The following AFAP1 variants were observed in gnomAD, a reference collection of about 807,000 sequenced individuals.
AFAP1 encodes the protein actin filament-associated protein 1.
AFAP1 carries 75 observed loss-of-function variants against 93.9 expected under a neutral mutation model. That is an observed-to-expected ratio of 0.80 (90% confidence interval 0.66 to 0.97). The LOEUF is 0.97. Ranked by LOEUF, AFAP1 falls within the 50% of genes least tolerant of loss-of-function variation. AFAP1 has a pLI of 0.00. For synonymous variants in AFAP1, 517 were observed against 430.7 expected (o/e 1.20, Z -2.48); for missense variants, 1,201 against 1,050.8 (o/e 1.14, Z -1.98).
chr4:7,772,975 T>C lies in AFAP1; in HGVS notation c.2098A>G (p.Lys700Glu). ...TGCCGGCACTCCTCCTCCAGCTGCT[T>C]CAGCTTCTCCTCCAGGATCGCCTGC... ...KPQAILEEKL[K>E]QLEEECRQKE... The change falls in exon 16 of 18, where the codon AAG (lysine) becomes GAG (glutamate). Residue 700 changes from lysine to glutamate, a missense_variant. Transcript: ENST00000420658. 1.2e-6 allele frequency: 2 copies of C among 1,612,516 alleles called. No homozygotes were observed. Among genetic ancestry groups the C allele is most frequent in the Non-Finnish European group, 1.7e-6 (2 of 1,179,976 alleles).
Position 7,774,906 on chromosome 4 carries a change from TGAG to T in AFAP1, c.1898-6_1898-4del, listed in dbSNP as rs745995106. On this transcript the variant is annotated splice_region_variant and splice_polypyrimidine_tract_variant and intron_variant, in intron 14 of 17. Transcript: ENST00000420658. ...GCCATACTTGTACTGGGCAGCATCT[TGAG>T]AAGAAAAAAAAGCAGCAATTAAAAA... 8 of 1,598,402 alleles carry T rather than the reference TGAG, an allele frequency of 5.0e-6. No homozygotes were observed. The East Asian group carries it at 6.7e-5, about 13-fold the overall frequency.
intron 14 of AFAP1, chr4:7,776,538 C>T (rs956533089): frequency 7.9e-5 from 12 of 152,210 alleles, no homozygotes; most frequent in African/African-American, 2.7e-4. Context: ...CTTGTCCACT[C>T]AGGGACAGCA....
chr4:7,820,365 A>G (rs547774236), intron 6 of AFAP1, among the ~76,000 whole-genome samples: 1 of 152,334 alleles, frequency 6.6e-6, no homozygotes, highest in East Asian at 1.9e-4. Flanking sequence ...ACTGGGAGCC[A>G]CTGGCAAAAG....
At chr4:7,863,234 G>A (rs1201730743) in intron 3 of AFAP1, among the ~76,000 whole-genome samples, 1 of 152,124 alleles carries the variant, frequency 6.6e-6, no homozygotes, top group African/African-American at 2.4e-5. Context: ...TGGGCAACAT[G>A]GTGAAAACCC....
intron 1 of AFAP1, among the ~76,000 whole-genome samples, chr4:7,920,822 T>C (rs914616933): frequency 6.6e-6 from 1 of 152,208 alleles, no homozygotes; most frequent in Non-Finnish European, 1.5e-5. Context: ...CTAAACTGTT[T>C]ACAGGTCTGT....
chr4:7,893,085 G>A (rs553136135), intron 1 of AFAP1, among the ~76,000 whole-genome samples: 5 of 149,352 alleles, frequency 3.3e-5, no homozygotes, highest in South Asian at 2.1e-4. Context: ...TACCAGCCCC[G>A]GTGCCGGGGG....
At chr4:7,858,755 T>A (rs1057028998) in intron 3 of AFAP1, among the ~76,000 whole-genome samples, 37 of 152,316 alleles carry the variant, frequency 2.4e-4, no homozygotes, top group African/African-American at 8.7e-4. Context: ...AGACTCCACG[T>A]GCCCATTCCC....
At chr4:7,809,271 T>C (rs1007509441) in intron 9 of AFAP1, among the ~76,000 whole-genome samples, 1 of 151,672 alleles carries the variant, frequency 6.6e-6, no homozygotes, top group Non-Finnish European at 1.5e-5. Flanking sequence ...CTTAGTTCTG[T>C]AAAGGTTTTC....
chr4:7,855,352 G>T, intron 4 of AFAP1, 114 bp downstream of exon 4: 2 of 772,932 alleles, frequency 2.6e-6, no homozygotes, highest in Non-Finnish European at 4.1e-6. Context: ...AAAAGTACTT[G>T]GCCCACAGTG....
At chr4:7,917,639 T>A (rs140014166) in intron 1 of AFAP1, among the ~76,000 whole-genome samples, 21 of 152,268 alleles carry the variant, frequency 1.4e-4, no homozygotes, top group African/African-American at 5.1e-4. Flanking sequence ...AGCATGCACA[T>A]GAACCACGTA....
At chr4:7,861,349 C>T (rs1273318233) in intron 3 of AFAP1, among the ~76,000 whole-genome samples, 3 of 152,296 alleles carry the variant, frequency 2.0e-5, no homozygotes, top group East Asian at 1.9e-4. Flanking sequence ...GAATCCATGC[C>T]GCTGAAGGAA....
intron 4 of AFAP1, among the ~76,000 whole-genome samples, chr4:7,849,986 C>CACGT (rs1306726906): frequency 1.3e-5 from 2 of 152,040 alleles, no homozygotes; most frequent in African/African-American, 4.8e-5. Context: ...AGGGGAGGAA[C>CACGT]ACGTGGTAGG....
intron 4 of AFAP1, among the ~76,000 whole-genome samples, chr4:7,848,243 A>AAGGG (rs796405450): frequency 1.0e-5 from 1 of 99,164 alleles, no homozygotes; most frequent in Non-Finnish European, 2.0e-5. Flanking sequence ...TGGAGGGAGG[A>AAGGG]AGGGAGGGAG....
At chr4:7,921,474 C>G (rs970281408) in intron 1 of AFAP1, among the ~76,000 whole-genome samples, 1 of 82,594 alleles carries the variant, frequency 1.2e-5, no homozygotes, top group Non-Finnish European at 2.3e-5. Context: ...CATGAGCCAC[C>G]GCACCTGGCC....
intron 3 of AFAP1, among the ~76,000 whole-genome samples, chr4:7,860,316 C>T (rs1257647724): frequency 1.3e-5 from 2 of 151,864 alleles, no homozygotes; most frequent in African/African-American, 4.8e-5. Flanking sequence ...GGAATATGTG[C>T]ATTATGTACT....
rs771252249 is a variant in AFAP1, at chr4:7,763,901, G to A, written c.2419-110C>T. On this transcript the variant is annotated intron_variant, in intron 17 of 17. Coordinates refer to ENST00000420658, the MANE Select transcript of AFAP1 (RefSeq NM_001134647.2). ...AGGGGGTGGGTGCTCGGCTACTGCA[G>A]AAAACTCAACAGAATCAATGACCAA... The A allele has an allele frequency of 4.6e-5, 48 of 1,050,042 alleles. 1 individual carries two copies. The highest frequency in any genetic ancestry group is 6.1e-5 in the Non-Finnish European group (42 of 693,186). 65.0% of individuals were successfully genotyped at this position (1,050,042 alleles called of 1,614,324 possible). A position where few individuals can be genotyped will look rare whatever the true frequency, so the allele number is the denominator to read the frequency against.
intron 4 of AFAP1, among the ~76,000 whole-genome samples, chr4:7,846,068 A>G (rs547482292): frequency 1.1e-4 from 16 of 152,182 alleles, no homozygotes; most frequent in Non-Finnish European, 2.2e-4. Flanking sequence ...CGATGAGCGA[A>G]AGCACTGACA....
At chr4:7,866,228 G>C (rs965186393) in intron 3 of AFAP1, among the ~76,000 whole-genome samples, 1 of 150,220 alleles carries the variant, frequency 6.7e-6, no homozygotes, top group Non-Finnish European at 1.5e-5. Flanking sequence ...ACAGAGTCTC[G>C]CTCTGTCACC....
chr4:7,822,556 A>C (rs1317718922), intron 6 of AFAP1, among the ~76,000 whole-genome samples: 1 of 151,720 alleles, frequency 6.6e-6, no homozygotes, highest in Non-Finnish European at 1.5e-5. Context: ...TATTCAAAAA[A>C]AACGGTTGTC....
Sources: allele counts gnomAD v4.1 joint callset (sites outside exome capture counted in the v4.1 genomes callset), GRCh38; gene constraint gnomAD v4.1.1; transcripts MANE v1.5; gene names NCBI Gene and HGNC (gene_info 2026-07-23, HGNC 2026-07-21).